The following COL11A1 variants were observed in gnomAD, a reference collection of about 807,000 sequenced individuals.
COL11A1 encodes collagen type XI alpha 1 chain.
Under a neutral mutation model 265.2 loss-of-function variants are expected in COL11A1, and 74 were observed. That is an observed-to-expected ratio of 0.28 (90% confidence interval 0.23 to 0.34). The LOEUF (loss-of-function observed/expected upper bound fraction) is 0.34. Ranked by LOEUF, COL11A1 falls within the 10% of genes least tolerant of loss-of-function variation. The pLI is 1.00. For missense variants in COL11A1, 2,165 were observed against 2,263.6 expected (o/e 0.96, Z 0.88); for synonymous variants, 816 against 727.6 (o/e 1.12, Z -1.96).
chr1:102,987,083 A>T (rs1663639719), intron 30 of COL11A1, among the ~76,000 whole-genome samples: 1 of 152,006 alleles, frequency 6.6e-6, no homozygotes, highest in Non-Finnish European at 1.5e-5. Context: ...TCAACATCTA[A>T]TGTGGAAGAA....
chr1:102,886,309 A>C (rs1650967311), intron 63 of COL11A1, among the ~76,000 whole-genome samples: 1 of 152,162 alleles, frequency 6.6e-6, no homozygotes, highest in Non-Finnish European at 1.5e-5. Flanking sequence ...TCAATTAAAG[A>C]TACATTTTTG....
At chr1:102,902,198 C>A (rs1653292717) in intron 54 of COL11A1, among the ~76,000 whole-genome samples, 1 of 152,044 alleles carries the variant, frequency 6.6e-6, no homozygotes, top group African/African-American at 2.4e-5. Flanking sequence ...GTTAAGAGTT[C>A]ACTTAGGCCA....
intron 38 of COL11A1, 54 bp from the exon 39 acceptor site, chr1:102,962,814 T>C: frequency 2.7e-6 from 4 of 1,491,716 alleles, no homozygotes; most frequent in Non-Finnish European, 3.7e-6. Context: ...TTGGCAAAGA[T>C]AACACAAACT....
At chr1:103,093,321 C>A (rs1196526438) in intron 1 of COL11A1, among the ~76,000 whole-genome samples, 2 of 151,946 alleles carry the variant, frequency 1.3e-5, no homozygotes, top group African/African-American at 2.4e-5. Context: ...GGAGAAGCAC[C>A]TTTCGTTGAT....
intron 47 of COL11A1, among the ~76,000 whole-genome samples, chr1:102,921,990 T>C (rs1475651977): frequency 2.0e-5 from 3 of 152,238 alleles, no homozygotes; most frequent in Non-Finnish European, 2.9e-5. Context: ...TTTTTAGCTT[T>C]TTCTATGTCA....
chr1:103,004,297 T>A (rs1228927664), intron 20 of COL11A1, 147 bp downstream of exon 20: 2 of 633,640 alleles, frequency 3.2e-6, no homozygotes, highest in African/African-American at 1.8e-5. Flanking sequence ...ATATCCTTTT[T>A]AATTTTTTTC....
At chr1:102,952,868 C>A (rs1660018525) in intron 41 of COL11A1, among the ~76,000 whole-genome samples, 1 of 152,154 alleles carries the variant, frequency 6.6e-6, no homozygotes, top group South Asian at 2.1e-4. Flanking sequence ...TTAATCTCAA[C>A]AGAATCACTG....
intron 30 of COL11A1, among the ~76,000 whole-genome samples, chr1:102,986,953 T>G (rs1663624673): frequency 6.6e-6 from 1 of 152,042 alleles, no homozygotes; most frequent in Non-Finnish European, 1.5e-5. Flanking sequence ...TTTAATAGAC[T>G]TATTATGTGA....
intron 4 of COL11A1, among the ~76,000 whole-genome samples, chr1:103,061,057 G>T (rs1029683651): frequency 1.3e-5 from 2 of 151,912 alleles, no homozygotes; most frequent in African/African-American, 2.4e-5. Flanking sequence ...AAAAGGAAGG[G>T]TATAAAGGTA....
At chr1:103,069,528 A>G (rs542404413) in intron 4 of COL11A1, among the ~76,000 whole-genome samples, 3 of 152,008 alleles carry the variant, frequency 2.0e-5, no homozygotes, top group African/African-American at 7.2e-5. Context: ...AGTGTCAAAC[A>G]TAACAACAAA....
chr1:103,083,392 T>G (rs1386787544), intron 1 of COL11A1, among the ~76,000 whole-genome samples: 3 of 151,528 alleles, frequency 2.0e-5, no homozygotes, highest in African/African-American at 7.3e-5. Flanking sequence ...AATAACATTA[T>G]GTAGAATTAA....
At chr1:102,960,485 T>G (rs1660792636) in intron 41 of COL11A1, among the ~76,000 whole-genome samples, 1 of 136,668 alleles carries the variant, frequency 7.3e-6, no homozygotes, top group African/African-American at 2.9e-5. Context: ...TGGGTGTGTG[T>G]GTGGGGGGGG....
chr1:103,063,686 C>T (rs966427954), intron 4 of COL11A1, among the ~76,000 whole-genome samples: 6 of 151,986 alleles, frequency 3.9e-5, no homozygotes, highest in African/African-American at 1.4e-4. Context: ...AGATATATTC[C>T]ATGAAAGAAT....
At chr1:103,041,147 C>T (rs756774370) in intron 4 of COL11A1, among the ~76,000 whole-genome samples, 1 of 151,874 alleles carries the variant, frequency 6.6e-6, no homozygotes, top group Admixed American at 6.6e-5. Context: ...GCCTGTTTCA[C>T]AGAGTTAGCA....
intron 46 of COL11A1, among the ~76,000 whole-genome samples, chr1:102,925,052 T>G (rs895724375): frequency 1.3e-5 from 2 of 152,168 alleles, no homozygotes; most frequent in Admixed American, 1.3e-4. Context: ...ATATTTTAGA[T>G]GTAATCTATT....
intron 46 of COL11A1, among the ~76,000 whole-genome samples, chr1:102,932,197 T>G (rs1657546732): frequency 6.6e-6 from 1 of 152,200 alleles, no homozygotes. Context: ...TCGATGGTCT[T>G]TACATTTTGG....
At chr1:103,016,864 A>G (rs1666608975) in intron 11 of COL11A1, among the ~76,000 whole-genome samples, 1 of 152,060 alleles carries the variant, frequency 6.6e-6, no homozygotes, top group Admixed American at 6.6e-5. Context: ...ATAATTTCCT[A>G]TTACTAAAAT....
intron 4 of COL11A1, among the ~76,000 whole-genome samples, chr1:103,059,324 C>T (rs1324614390): frequency 6.6e-6 from 1 of 152,074 alleles, no homozygotes; most frequent in Non-Finnish European, 1.5e-5. Flanking sequence ...AATTCACAGT[C>T]CAGGGCTCAG....
intron 57 of COL11A1, among the ~76,000 whole-genome samples, chr1:102,896,035 G>A (rs1056704212): frequency 2.6e-5 from 4 of 151,494 alleles, no homozygotes. Context: ...TTCTTGATTT[G>A]GTGCTACTAG....
Sources: gnomAD v4.1 joint callset for allele counts (sites outside exome capture counted in the v4.1 genomes callset) on GRCh38, gnomAD v4.1.1 for gene constraint, MANE v1.5 for transcripts, NCBI Gene and HGNC (gene_info 2026-07-23, HGNC 2026-07-21) for gene names.